Variants in SPAG16 observed in about 807,000 individuals in gnomAD.
SPAG16 encodes the protein sperm associated antigen 16, also known as sperm-associated antigen 16 protein.
Under a neutral mutation model 80.4 loss-of-function variants are expected in SPAG16, and 86 were observed. The observed-to-expected ratio is 1.07, with a 90% CI of 0.90 to 1.28. SPAG16 has a LOEUF of 1.28. SPAG16 is among the 50% of genes most tolerant of loss of function. The probability of loss-of-function intolerance (pLI) is 0.00; values close to 1 mark genes in which losing one functional copy is unlikely to be tolerated. For synonymous variants in SPAG16, 294 were observed against 265.9 expected, an observed-to-expected ratio of 1.11 and a Z score of -1.03; for missense variants, 870 against 765.3, an observed-to-expected ratio of 1.14 and a Z score of -1.61.
chr2:214,192,185 T>C (rs2057687746), intron 15 of SPAG16, among the ~76,000 whole-genome samples: 1 of 152,116 alleles, frequency 6.6e-6, no homozygotes, highest in East Asian at 1.9e-4. Flanking sequence ...ATTCTACCTT[T>C]CCAGTGATGG....
intron 12 of SPAG16, among the ~76,000 whole-genome samples, chr2:214,009,870 T>C (rs1053067351): frequency 6.6e-6 from 1 of 151,826 alleles, no homozygotes; most frequent in African/African-American, 2.4e-5. Context: ...TATCCCCCAA[T>C]AGCTGTCCTC....
intron 10 of SPAG16, among the ~76,000 whole-genome samples, chr2:213,714,434 G>C (rs552434095): frequency 3.3e-5 from 5 of 152,186 alleles, no homozygotes; most frequent in African/African-American, 1.2e-4. Flanking sequence ...TTTGGCCCTA[G>C]AGGGGAGACA....
intron 9 of SPAG16, among the ~76,000 whole-genome samples, chr2:213,419,106 C>A (rs755292412): frequency 1.8e-5 from 2 of 108,498 alleles, no homozygotes; most frequent in Non-Finnish European, 4.8e-5. Context: ...TCAATGAATC[C>A]TCTACTCTTA....
intron 10 of SPAG16, among the ~76,000 whole-genome samples, chr2:213,860,406 T>C (rs1234343520): frequency 9.5e-6 from 1 of 105,062 alleles, no homozygotes; most frequent in East Asian, 3.3e-4. Flanking sequence ...TATTTATACA[T>C]ATATAAATAT....
chr2:214,264,024 A>G (rs573322698), intron 15 of SPAG16, among the ~76,000 whole-genome samples: 1 of 152,192 alleles, frequency 6.6e-6, no homozygotes, highest in Non-Finnish European at 1.5e-5. Flanking sequence ...AGTGGCATCT[A>G]CCAGAATTAT....
At chr2:214,101,361 C>T (rs1023211971) in intron 13 of SPAG16, among the ~76,000 whole-genome samples, 1 of 152,064 alleles carries the variant, frequency 6.6e-6, no homozygotes, top group African/African-American at 2.4e-5. Context: ...TGGGGCATTC[C>T]TGCTGGTCTT....
At position 214,210,621 on chromosome 2, in the gene SPAG16, G is replaced by T. The variant is rs1265343221; in HGVS notation, c.1720+61355G>T. On this transcript the variant is annotated intron_variant, in intron 15 of 15. Coordinates refer to ENST00000331683, the MANE Select transcript of SPAG16 (RefSeq NM_024532.5). ...AATGTTAACATATTTATGTAACTCT[G>T]AAAAATACACTTTTAAGCATTACAA... Among the ~76,000 whole-genome samples the T allele has an allele frequency of 1.3e-5, 2 of 151,814 alleles. 1 individual carries two copies. The highest frequency in any genetic ancestry group is 4.2e-4 in the South Asian group (2 of 4,810).
intron 10 of SPAG16, among the ~76,000 whole-genome samples, chr2:213,740,342 C>G (rs941243717): frequency 6.6e-6 from 1 of 152,060 alleles, no homozygotes; most frequent in Non-Finnish European, 1.5e-5. Flanking sequence ...GTTTCTGTAA[C>G]AAACTGTAAA....
intron 15 of SPAG16, among the ~76,000 whole-genome samples, chr2:214,286,990 T>G (rs1328203207): frequency 6.6e-6 from 1 of 152,228 alleles, no homozygotes; most frequent in Non-Finnish European, 1.5e-5. Flanking sequence ...GAATTAAGAC[T>G]GAAAAGATAT....
chr2:213,763,742 T>G (rs562869369), intron 10 of SPAG16, among the ~76,000 whole-genome samples: 7 of 152,314 alleles, frequency 4.6e-5, no homozygotes, highest in African/African-American at 1.7e-4. Flanking sequence ...AATATGATAT[T>G]GTGGAAAGAC....
intron 10 of SPAG16, 72 bp downstream of exon 10, chr2:213,490,162 C>A (rs2074177627): frequency 2.2e-6 from 3 of 1,391,826 alleles, no homozygotes; most frequent in Non-Finnish European, 2.9e-6. Context: ...GCTCTTACAG[C>A]CATTCATGGT....
At chr2:213,823,561 T>A (rs1232977056) in intron 10 of SPAG16, among the ~76,000 whole-genome samples, 1 of 152,122 alleles carries the variant, frequency 6.6e-6, no homozygotes, top group African/African-American at 2.4e-5. Flanking sequence ...GGTTTCTCCA[T>A]GTTTGTCAGG....
At chr2:214,132,728 G>A (rs2054840797) in intron 14 of SPAG16, among the ~76,000 whole-genome samples, 1 of 152,150 alleles carries the variant, frequency 6.6e-6, no homozygotes, top group Non-Finnish European at 1.5e-5. Context: ...AGTAACATAT[G>A]GGGAAATTTA....
At chr2:214,008,622 G>A (rs2047140770) in intron 12 of SPAG16, among the ~76,000 whole-genome samples, 3 of 152,068 alleles carry the variant, frequency 2.0e-5, no homozygotes. Flanking sequence ...GCACAGGCCT[G>A]TAGCCCCAGC....
intron 10 of SPAG16, among the ~76,000 whole-genome samples, chr2:213,831,435 A>AT (rs2073653558): frequency 6.7e-6 from 1 of 149,186 alleles, no homozygotes; most frequent in South Asian, 2.1e-4. Context: ...TTAACCTCAT[A>AT]TTTTCAGAGG....
At chr2:213,890,966 T>G (rs1331773718) in intron 11 of SPAG16, among the ~76,000 whole-genome samples, 2 of 152,054 alleles carry the variant, frequency 1.3e-5, no homozygotes, top group Non-Finnish European at 2.9e-5. Flanking sequence ...TGATTAATAT[T>G]CAATCACTTT....
intron 10 of SPAG16, among the ~76,000 whole-genome samples, chr2:213,604,814 G>T (rs2061197542): frequency 1.3e-5 from 2 of 151,318 alleles, no homozygotes; most frequent in South Asian, 4.1e-4. Flanking sequence ...ACCTAAATTT[G>T]TAATATGTAC....
intron 10 of SPAG16, among the ~76,000 whole-genome samples, chr2:213,826,846 C>T (rs2073335014): frequency 6.6e-6 from 1 of 151,978 alleles, no homozygotes; most frequent in African/African-American, 2.4e-5. Context: ...ATTGAAGTCT[C>T]TAGCTATTTT....
intron 15 of SPAG16, among the ~76,000 whole-genome samples, chr2:214,325,635 T>G (rs1696420563): frequency 6.6e-6 from 1 of 152,224 alleles, no homozygotes; most frequent in African/African-American, 2.4e-5. Context: ...ATCATTATTC[T>G]TATTCTAGTT....
Sources: allele counts gnomAD v4.1 joint callset (sites outside exome capture counted in the v4.1 genomes callset), GRCh38; gene constraint gnomAD v4.1.1; transcripts MANE v1.5; gene names NCBI Gene and HGNC (gene_info 2026-07-23, HGNC 2026-07-21).